The following SEC22C variants were observed in gnomAD, a reference collection of about 807,000 sequenced individuals.
SEC22C encodes the protein SEC22 homolog C, vesicle trafficking protein, also known as vesicle-trafficking protein SEC22c.
A neutral mutation model predicts 34.7 loss-of-function variants in SEC22C; 29 were observed. The observed-to-expected ratio is 0.84, with a 90% CI of 0.62 to 1.14. SEC22C has a LOEUF of 1.14. Among genes scored for constraint, SEC22C ranks in the 50% most tolerant of loss-of-function variants. SEC22C has a pLI of 0.00. For missense variants in SEC22C, 337 were observed against 369.0 expected (o/e 0.91, Z 0.71); for synonymous variants, 117 against 132.8 (o/e 0.88, Z 0.82).
intron 1 of SEC22C, among the ~76,000 whole-genome samples, chr3:42,590,479 T>C (rs1329589224): frequency 6.6e-6 from 1 of 151,836 alleles, no homozygotes; most frequent in Non-Finnish European, 1.5e-5. Flanking sequence ...TACAAAAAAT[T>C]AGACGGGCGT....
At chr3:42,570,951 G>A (rs1258884655) in intron 1 of SEC22C, among the ~76,000 whole-genome samples, 2 of 152,114 alleles carry the variant, frequency 1.3e-5, no homozygotes, top group Admixed American at 6.5e-5. Flanking sequence ...AAAAGAGACA[G>A]TCAATGAGAT....
chr3:42,596,411 A>C (rs1281926795), intron 1 of SEC22C, among the ~76,000 whole-genome samples: 1 of 152,184 alleles, frequency 6.6e-6, no homozygotes, highest in Non-Finnish European at 1.5e-5. Context: ...TGAAGTTCTA[A>C]TTGCTGGCAT....
chr3:42,560,078 T>A (rs1197869995), intron 4 of SEC22C, among the ~76,000 whole-genome samples: 1 of 147,412 alleles, frequency 6.8e-6, no homozygotes, highest in Non-Finnish European at 1.5e-5. Flanking sequence ...AACATTTCAG[T>A]AAATAAGATG....
intron 1 of SEC22C, among the ~76,000 whole-genome samples, chr3:42,598,941 A>G (rs1412869658): frequency 7.1e-6 from 1 of 139,972 alleles, no homozygotes; most frequent in Non-Finnish European, 1.6e-5. Context: ...AGATATCTAG[A>G]TATCTGTAGA....
At chr3:42,575,862 C>G (rs1158576304) in intron 1 of SEC22C, among the ~76,000 whole-genome samples, 1 of 152,174 alleles carries the variant, frequency 6.6e-6, no homozygotes, top group Non-Finnish European at 1.5e-5. Context: ...TGGCTCATAC[C>G]TGTAATCTCA....
At chr3:42,598,846 T>C (rs1041635899) in intron 1 of SEC22C, among the ~76,000 whole-genome samples, 4 of 152,022 alleles carry the variant, frequency 2.6e-5, no homozygotes, top group African/African-American at 9.7e-5. Context: ...CCGTGTGAAA[T>C]ACAGTTAATG....
At chr3:42,591,077 G>T in intron 1 of SEC22C, 1 of 1,238,692 alleles carries the variant, frequency 8.1e-7, no homozygotes. Flanking sequence ...ACTGTGAAGG[G>T]TGCTGAGCAG....
intron 1 of SEC22C, chr3:42,590,990 G>C: frequency 7.2e-7 from 1 of 1,385,510 alleles, no homozygotes; most frequent in Non-Finnish European, 1.0e-6. Context: ...CGGGCGGGCG[G>C]GCGGGCGGAG....
At chr3:42,593,224 C>T (rs1704914505) in intron 1 of SEC22C, among the ~76,000 whole-genome samples, 1 of 152,038 alleles carries the variant, frequency 6.6e-6, no homozygotes, top group African/African-American at 2.4e-5. Context: ...ACCAGCCTGG[C>T]CAACATGGCA....
intron 4 of SEC22C, among the ~76,000 whole-genome samples, chr3:42,560,168 T>C (rs1030703328): frequency 4.1e-5 from 6 of 145,722 alleles, no homozygotes; most frequent in Non-Finnish European, 9.0e-5. Context: ...ATATTATATA[T>C]ATTTTATATA....
intron 1 of SEC22C, among the ~76,000 whole-genome samples, chr3:42,598,839 T>C (rs944292751): frequency 2.0e-5 from 3 of 152,076 alleles, no homozygotes; most frequent in Non-Finnish European, 1.5e-5. Context: ...TGTACAACCG[T>C]GTGAAATACA....
rs1381585623 is a variant in SEC22C, at chr3:42,553,374, G to T, written c.786C>A (p.Gly262=). The T allele has an allele frequency of 1.2e-6, 2 of 1,613,984 alleles. No individual in the cohort carries two copies. Among genetic ancestry groups the T allele is most frequent in the African/African-American group, 1.3e-5 (1 of 74,884 alleles). ...VVLMLLFICL[G]NMYLHGLRNL... ...TCCTCAGCCCGTGCAGGTACATGTT[G>T]CCCAGGCAAATAAAGAGCAGCATAA... Residue 262 remains glycine (G), a synonymous_variant, in exon 7 of 7, where the codon GGC becomes GGA. Coordinates refer to ENST00000264454, the MANE Select transcript of SEC22C (RefSeq NM_032970.4).
chr3:42,562,317 G>A (rs1005588799), intron 3 of SEC22C, among the ~76,000 whole-genome samples: 5 of 152,186 alleles, frequency 3.3e-5, no homozygotes, highest in African/African-American at 9.7e-5. Flanking sequence ...CAGGTCTACC[G>A]AGCTCCAAAT....
intron 2 of SEC22C, chr3:42,563,985 T>C (rs1703085732): frequency 3.2e-6 from 4 of 1,258,184 alleles, no homozygotes; most frequent in Admixed American, 2.8e-5. Flanking sequence ...CCACATCTAT[T>C]GAGAAAACGT....
upstream of SEC22C, among the ~76,000 whole-genome samples, chr3:42,584,316 A>G (rs925421061): frequency 6.6e-5 from 10 of 152,176 alleles, no homozygotes; most frequent in African/African-American, 2.2e-4. Flanking sequence ...GTTTAGTGGC[A>G]CAATCTCGGC....
At chr3:42,555,273 G>A (rs1052937991) in intron 6 of SEC22C, among the ~76,000 whole-genome samples, 43 of 151,962 alleles carry the variant, frequency 2.8e-4, no homozygotes, top group African/African-American at 1.0e-3. Context: ...CGTGAACCCG[G>A]GAGGCAGAGC....
chr3:42,567,796 C>T (rs527977976), intron 2 of SEC22C, among the ~76,000 whole-genome samples: 11 of 152,288 alleles, frequency 7.2e-5, no homozygotes, highest in Admixed American at 2.6e-4. Flanking sequence ...AATGACCAGG[C>T]GCAGTGGCTC....
Position 42,548,438 on chromosome 3 carries a change from C to G in SEC22C, c.*4810G>C. 1.5e-6 allele frequency: 1 copy of G among 673,166 alleles called. No homozygotes were observed. The highest frequency in any genetic ancestry group is 2.7e-5 in the East Asian group (1 of 36,660). The allele number at this position is 673,166 out of a possible 1,614,324, so 41.7% of individuals were successfully genotyped here. On this transcript the variant is annotated 3_prime_UTR_variant, in exon 7 of 7. Transcript: ENST00000264454. ...AATAAAAGGCGCTTGTGGGCAACAG[C>G]TCTGCCATCAATACACATGGGCAGA...
intron 6 of SEC22C, among the ~76,000 whole-genome samples, chr3:42,554,095 T>G (rs892912444): frequency 2.6e-5 from 4 of 151,974 alleles, no homozygotes; most frequent in Non-Finnish European, 5.9e-5. Flanking sequence ...ATGCTTTGTT[T>G]TTTTTTTTTA....
Sources: gnomAD v4.1 joint callset for allele counts (sites outside exome capture counted in the v4.1 genomes callset) on GRCh38, gnomAD v4.1.1 for gene constraint, MANE v1.5 for transcripts, NCBI Gene and HGNC (gene_info 2026-07-23, HGNC 2026-07-21) for gene names.